The following ASTN2 variants were observed in gnomAD, a reference collection of about 807,000 sequenced individuals.
ASTN2 encodes astrotactin-2.
Under a neutral mutation model 139.8 loss-of-function variants are expected in ASTN2, and 54 were observed. The ratio of observed to expected loss-of-function variants is 0.39; its 90% CI spans 0.31 to 0.48. ASTN2 has a LOEUF of 0.48. Among genes scored for constraint, ASTN2 ranks in the 20% least tolerant of loss-of-function variants. The pLI is 0.95. For missense variants in ASTN2, 1,565 were observed against 1,725.1 expected, an observed-to-expected ratio of 0.91 and a Z score of 1.64; for synonymous variants, 756 against 719.5, an observed-to-expected ratio of 1.05 and a Z score of -0.81.
rs530480029 is a variant in ASTN2 at position 116,840,826 on chromosome 9, C to T, written c.2041-20043G>A. 1.6e-3 allele frequency among the ~76,000 whole-genome samples: 248 copies of T among 150,606 alleles called. 1 individual carries two copies. Among genetic ancestry groups the T allele is most frequent in the African/African-American group, 5.8e-3 (238 of 40,984 alleles). ...CTCACTTCCCAGATGTGATGGTGGC[C>T]GGGAAGAGGCGCTCCTCACTTCCTA... On this transcript the variant is annotated intron_variant, in intron 11 of 22. Coordinates refer to ENST00000313400, the MANE Select transcript of ASTN2 (RefSeq NM_001365068.1).
intron 1 of ASTN2, among the ~76,000 whole-genome samples, chr9:117,406,856 TAACACACACACA>T (rs1249743948): frequency 1.0e-5 from 1 of 97,116 alleles, no homozygotes; most frequent in Admixed American, 1.3e-4. Flanking sequence ...CATTGTCCCC[TAACACACACACA>T]CACACACACA....
At chr9:116,826,912 T>C (rs2132278444) in intron 11 of ASTN2, among the ~76,000 whole-genome samples, 1 of 152,264 alleles carries the variant, frequency 6.6e-6, no homozygotes, top group Non-Finnish European at 1.5e-5. Context: ...TATCTCAACA[T>C]GTGTATTATA....
chr9:117,025,550 T>A (rs1838043249), intron 6 of ASTN2, among the ~76,000 whole-genome samples: 1 of 152,084 alleles, frequency 6.6e-6, no homozygotes, highest in Non-Finnish European at 1.5e-5. Context: ...AACTCATAGG[T>A]CATGTTAACA....
intron 10 of ASTN2, among the ~76,000 whole-genome samples, chr9:116,971,782 G>C (rs1203452708): frequency 1.3e-5 from 2 of 152,154 alleles, no homozygotes; most frequent in Non-Finnish European, 2.9e-5. Context: ...AGTTCACCAG[G>C]TAGCAAACTC....
At chr9:116,776,069 G>T (rs974182761) in intron 13 of ASTN2, among the ~76,000 whole-genome samples, 1 of 152,130 alleles carries the variant, frequency 6.6e-6, no homozygotes, top group Non-Finnish European at 1.5e-5. Flanking sequence ...TGGTCTAAAT[G>T]GACAAGCACT....
At chr9:116,752,580 A>G (rs972907900) in intron 13 of ASTN2, among the ~76,000 whole-genome samples, 4 of 152,210 alleles carry the variant, frequency 2.6e-5, no homozygotes, top group African/African-American at 9.6e-5. Flanking sequence ...CTGTTAAGAG[A>G]ATGAAAAGAC....
intron 5 of ASTN2, among the ~76,000 whole-genome samples, chr9:117,060,367 A>G (rs1442434760): frequency 2.9e-5 from 2 of 68,986 alleles, no homozygotes; most frequent in African/African-American, 1.7e-4. Context: ...AGAAAGAAAG[A>G]AAGAAAGAAA....
intron 16 of ASTN2, among the ~76,000 whole-genome samples, chr9:116,693,832 T>G (rs971651337): frequency 2.6e-5 from 4 of 152,218 alleles, no homozygotes; most frequent in Non-Finnish European, 5.9e-5. Context: ...CAAATTGACC[T>G]TCTATCTGAG....
chr9:117,045,979 T>TACGTACGTACGTATGTATGTAC (rs1564399779), intron 5 of ASTN2, among the ~76,000 whole-genome samples: 1 of 124,534 alleles, frequency 8.0e-6, no homozygotes, highest in Non-Finnish European at 1.8e-5. Context: ...TATGTATGTA[T>TACGTACGTACGTATGTATGTAC]GTACGTACGT....
intron 1 of ASTN2, among the ~76,000 whole-genome samples, chr9:117,294,209 C>T (rs1385046624): frequency 6.6e-6 from 1 of 152,258 alleles, no homozygotes; most frequent in East Asian, 1.9e-4. Context: ...ATGCCAGTTG[C>T]ACTTACATCT....
chr9:117,160,820 C>T (rs1247020611), intron 3 of ASTN2, among the ~76,000 whole-genome samples: 4 of 151,980 alleles, frequency 2.6e-5, no homozygotes, highest in African/African-American at 9.7e-5. Context: ...TAACTAGGTA[C>T]TGTCTTGACT....
chr9:116,863,113 GAAGCCA>G (rs924459531), intron 11 of ASTN2, among the ~76,000 whole-genome samples: 3 of 151,966 alleles, frequency 2.0e-5, no homozygotes, highest in Admixed American at 1.3e-4. Flanking sequence ...CTCATCTTTT[GAAGCCA>G]AAGCCAAAGC....
At chr9:117,189,437 C>T (rs1227512143) in intron 3 of ASTN2, among the ~76,000 whole-genome samples, 1 of 152,156 alleles carries the variant, frequency 6.6e-6, no homozygotes, top group Non-Finnish European at 1.5e-5. Flanking sequence ...CCATTCCCCA[C>T]AAACGCTGCA....
intron 2 of ASTN2, among the ~76,000 whole-genome samples, chr9:117,286,981 G>T (rs1376952083): frequency 6.6e-6 from 1 of 152,216 alleles, no homozygotes; most frequent in Non-Finnish European, 1.5e-5. Context: ...ACTTATTGGT[G>T]ATGTGGATGG....
chr9:117,145,021 C>T (rs1239872797), intron 3 of ASTN2, among the ~76,000 whole-genome samples: 2 of 151,902 alleles, frequency 1.3e-5, no homozygotes, highest in African/African-American at 2.4e-5. Context: ...CTCAGGGGTA[C>T]AAGTACAGGT....
intron 16 of ASTN2, among the ~76,000 whole-genome samples, chr9:116,694,033 G>A (rs1054593532): frequency 6.6e-6 from 1 of 152,280 alleles, no homozygotes; most frequent in African/African-American, 2.4e-5. Flanking sequence ...TTTAGTGAGG[G>A]GAACACAGGT....
intron 13 of ASTN2, among the ~76,000 whole-genome samples, chr9:116,792,585 G>C (rs115878661): frequency 6.6e-6 from 1 of 152,124 alleles, no homozygotes; most frequent in African/African-American, 2.4e-5. Context: ...ATAGCAGAGC[G>C]GATGAACACA....
intron 17 of ASTN2, among the ~76,000 whole-genome samples, chr9:116,632,128 A>AAGAGAGAGAGAGAGAGAGAGAG: frequency 2.1e-5 from 1 of 47,760 alleles, no homozygotes; most frequent in South Asian, 1.3e-3. Context: ...AAAGAAAAAG[A>AAGAGAGAGAGAGAGAGAGAGAG]AGAGAGAGAG....
intron 1 of ASTN2, among the ~76,000 whole-genome samples, chr9:117,379,984 G>A (rs1830223446): frequency 6.6e-6 from 1 of 152,122 alleles, no homozygotes; most frequent in Non-Finnish European, 1.5e-5. Flanking sequence ...AGATGGATAA[G>A]AAGAATCAAG....
Sources: gnomAD v4.1 joint callset for allele counts (sites outside exome capture counted in the v4.1 genomes callset) on GRCh38, gnomAD v4.1.1 for gene constraint, MANE v1.5 for transcripts, NCBI Gene and HGNC (gene_info 2026-07-23, HGNC 2026-07-21) for gene names.